The following PLEKHA7 variants were observed in gnomAD, a reference collection of about 807,000 sequenced individuals.
PLEKHA7 encodes pleckstrin homology domain containing A7.
PLEKHA7 carries 104 observed loss-of-function variants against 170.0 expected under a neutral mutation model. The observed-to-expected ratio is 0.61, with a 90% CI of 0.52 to 0.72. The LOEUF (loss-of-function observed/expected upper bound fraction) is 0.72, where lower values mean the gene tolerates loss of function less well. Among genes scored for constraint, PLEKHA7 ranks in the 30% least tolerant of loss-of-function variants. The pLI is 0.00. For missense variants in PLEKHA7, 1,615 were observed against 1,671.7 expected, an observed-to-expected ratio of 0.97 and a Z score of 0.59; for synonymous variants, 648 against 660.8, an observed-to-expected ratio of 0.98 and a Z score of 0.30.
intron 13 of PLEKHA7, among the ~76,000 whole-genome samples, chr11:16,808,395 A>C (rs1849135874): frequency 1.3e-5 from 2 of 152,234 alleles, no homozygotes; most frequent in South Asian, 4.1e-4. Flanking sequence ...ACAAAAATGC[A>C]GAATTCTGGG....
intron 3 of PLEKHA7, among the ~76,000 whole-genome samples, chr11:16,949,339 G>T (rs1861261526): frequency 6.6e-6 from 1 of 152,190 alleles, no homozygotes; most frequent in Non-Finnish European, 1.5e-5. Flanking sequence ...ATGCTCAGCA[G>T]TTGAAATGCA....
At chr11:16,831,559 C>T (rs1258551900) in intron 9 of PLEKHA7, among the ~76,000 whole-genome samples, 3 of 152,218 alleles carry the variant, frequency 2.0e-5, no homozygotes, top group African/African-American at 4.8e-5. Flanking sequence ...CATCTGAAAC[C>T]GGTCACTGTT....
At chr11:16,939,231 G>A (rs1481063067) in intron 3 of PLEKHA7, among the ~76,000 whole-genome samples, 1 of 152,078 alleles carries the variant, frequency 6.6e-6, no homozygotes, top group African/African-American at 2.4e-5. Context: ...TGGCCGACAT[G>A]GTGAAACCCT....
chr11:16,857,708 ATTTGTTTG>A (rs112185316), intron 4 of PLEKHA7, among the ~76,000 whole-genome samples: 12 of 152,090 alleles, frequency 7.9e-5, no homozygotes, highest in East Asian at 3.9e-4. Context: ...ATTTGTTTGA[ATTTGTTTG>A]TTTGTTTGTT....
intron 3 of PLEKHA7, among the ~76,000 whole-genome samples, chr11:16,933,951 AG>A (rs1302678069): frequency 1.3e-5 from 2 of 152,216 alleles, no homozygotes; most frequent in Non-Finnish European, 2.9e-5. Flanking sequence ...TCTGCCTCCC[AG>A]CCCCATCCTC....
chr11:17,011,149 C>T (rs557967892), intron 3 of PLEKHA7, among the ~76,000 whole-genome samples: 3 of 152,292 alleles, frequency 2.0e-5, no homozygotes, highest in East Asian at 3.9e-4. Context: ...GAGTCCCACA[C>T]GCGGCCTCAC....
Position 16,892,619 on chromosome 11 carries a change from CTT to C in PLEKHA7, c.222-21439_222-21438del, listed in dbSNP as rs10674972. Among the ~76,000 whole-genome samples, 13 of 82,416 alleles carry C rather than the reference CTT, an allele frequency of 1.6e-4. No homozygotes were observed. The South Asian group carries it at 1.7e-3, about 11-fold the overall frequency. 54.1% of individuals were successfully genotyped at this position (82,416 alleles called of 152,430 possible). A position where few individuals can be genotyped will look rare whatever the true frequency, so the allele number is the denominator to read the frequency against. ...TGCCACCATGCCCAGCTTCCAGCTT[CTT>C]TTTTTTTTTTTTTTTTTTTTCGTAT... On this transcript the variant is annotated intron_variant, in intron 3 of 26. Transcript: ENST00000531066.
chr11:16,912,941 C>T (rs572251054), intron 3 of PLEKHA7, among the ~76,000 whole-genome samples: 1 of 152,342 alleles, frequency 6.6e-6, no homozygotes, highest in Admixed American at 6.5e-5. Flanking sequence ...GAAGTTGCAG[C>T]TATATTCATT....
intron 8 of PLEKHA7, among the ~76,000 whole-genome samples, chr11:16,849,018 G>C (rs770706267): frequency 6.6e-6 from 1 of 152,154 alleles, no homozygotes; most frequent in Non-Finnish European, 1.5e-5. Flanking sequence ...AACTCTTTCA[G>C]ACTCACGGAA....
chr11:16,801,907 C>A, intron 15 of PLEKHA7, 90 bp from the exon 16 acceptor site: 1 of 1,513,568 alleles, frequency 6.6e-7, no homozygotes, highest in South Asian at 1.2e-5. Context: ...GCTACTGGAC[C>A]TAACCAAGGC....
At chr11:16,997,291 A>C (rs1212963278) in intron 3 of PLEKHA7, among the ~76,000 whole-genome samples, 1 of 152,204 alleles carries the variant, frequency 6.6e-6, no homozygotes, top group Non-Finnish European at 1.5e-5. Flanking sequence ...GTCCATGGAC[A>C]AGGAGGTGAG....
intron 3 of PLEKHA7, among the ~76,000 whole-genome samples, chr11:16,972,105 G>T (rs181944256): frequency 6.6e-6 from 1 of 151,848 alleles, no homozygotes; most frequent in East Asian, 2.0e-4. Context: ...TTATAGGCAT[G>T]AGCCACCATG....
At chr11:16,957,690 TTTTTTTC>T (rs1861783320) in intron 3 of PLEKHA7, among the ~76,000 whole-genome samples, 3 of 63,098 alleles carry the variant, frequency 4.8e-5, no homozygotes, top group South Asian at 8.3e-4. Flanking sequence ...ACCTCAATAA[TTTTTTTC>T]TTTTTTTTTT....
At chr11:16,903,034 C>T (rs1358901664) in intron 3 of PLEKHA7, among the ~76,000 whole-genome samples, 2 of 152,176 alleles carry the variant, frequency 1.3e-5, no homozygotes, top group East Asian at 3.8e-4. Flanking sequence ...AAAATGAAAA[C>T]AATTACTTAT....
intron 3 of PLEKHA7, among the ~76,000 whole-genome samples, chr11:16,900,933 C>T (rs1857293507): frequency 6.6e-6 from 1 of 151,880 alleles, no homozygotes; most frequent in East Asian, 1.9e-4. Flanking sequence ...GTAACCTCCA[C>T]CTCCCAGGTT....
chr11:16,977,960 G>A (rs1031096026), intron 3 of PLEKHA7, among the ~76,000 whole-genome samples: 2 of 152,094 alleles, frequency 1.3e-5, no homozygotes, highest in Admixed American at 1.3e-4. Context: ...TTGAGGCAAG[G>A]CTTTCCCTCC....
intron 3 of PLEKHA7, among the ~76,000 whole-genome samples, chr11:16,888,914 A>AAG (rs1554963934): frequency 5.8e-4 from 81 of 140,856 alleles, no homozygotes; most frequent in Admixed American, 1.3e-3. Flanking sequence ...ATAAAAAAAA[A>AAG]AAAGAAACCC....
At chr11:16,906,274 GGAAGGAAA>G (rs1401020177) in intron 3 of PLEKHA7, among the ~76,000 whole-genome samples, 14 of 86,046 alleles carry the variant, frequency 1.6e-4, no homozygotes, top group South Asian at 1.0e-3. Flanking sequence ...AAGGAAGGAA[GGAAGGAAA>G]GAAAGAAAAT....
At position 16,789,278 on chromosome 11, in the gene PLEKHA7, C is replaced by G. The variant is rs765268748; in HGVS notation, c.3175G>C (p.Glu1059Gln). ...TGGTGATCCCCTGAGTACAGGCGCT[C>G]CAAGGCACTCTTAGGTCTCTGAGGA... Reference protein sequence around the residue: ...ATFPRPKSALERLYSGDHQRG... With the variant: ...ATFPRPKSALQRLYSGDHQRG... Residue 1059 changes from glutamate to glutamine, a missense_variant, in exon 23 of 27, where the codon GAG (glutamate) becomes CAG (glutamine). Glu to Gln is a conservative substitution (Grantham distance 29). Transcript: ENST00000531066. This position sits in a 1 kb window ranked among gnomAD's most constrained non-coding sequence, Gnocchi z 4.6. The G allele has an allele frequency of 6.2e-7, 1 of 1,613,450 alleles. No homozygotes were observed. The highest frequency in any genetic ancestry group is 2.2e-5 in the East Asian group (1 of 44,874).
Sources: allele counts gnomAD v4.1 joint callset (sites outside exome capture counted in the v4.1 genomes callset), GRCh38; gene constraint gnomAD v4.1.1; non-coding constraint Gnocchi (gnomAD v3.1); transcripts MANE v1.5; gene names NCBI Gene and HGNC (gene_info 2026-07-23, HGNC 2026-07-21).